The following CNTNAP2 variants were observed in gnomAD, a reference collection of about 807,000 sequenced individuals.
The protein encoded by CNTNAP2 is contactin associated protein 2.
A neutral mutation model predicts 155.2 loss-of-function variants in CNTNAP2; 98 were observed. That is an observed-to-expected ratio of 0.63 (90% CI 0.54 to 0.75). The LOEUF (loss-of-function observed/expected upper bound fraction) is 0.75, where lower values mean the gene tolerates loss of function less well. Among genes scored for constraint, CNTNAP2 ranks in the 30% least tolerant of loss-of-function variants. CNTNAP2 has a pLI of 0.00. For synonymous variants in CNTNAP2, 651 were observed against 631.2 expected (o/e 1.03, Z -0.47); for missense variants, 1,727 against 1,688.1 (o/e 1.02, Z -0.40).
intron 9 of CNTNAP2, among the ~76,000 whole-genome samples, chr7:147,327,239 C>T (rs1795477567): frequency 5.9e-5 from 9 of 152,182 alleles, no homozygotes; most frequent in South Asian, 4.1e-4. Flanking sequence ...CACTAATCCT[C>T]ATGATAGCCC....
chr7:147,752,727 G>A (rs1486350918), intron 13 of CNTNAP2, among the ~76,000 whole-genome samples: 1 of 152,136 alleles, frequency 6.6e-6, no homozygotes, highest in East Asian at 1.9e-4. Flanking sequence ...ATAGCGTCAT[G>A]AGCCATGCCT....
intron 1 of CNTNAP2, among the ~76,000 whole-genome samples, chr7:146,468,984 G>T (rs951893065): frequency 1.3e-5 from 2 of 152,170 alleles, no homozygotes; most frequent in Middle Eastern, 3.2e-3. Flanking sequence ...TAGAACACTT[G>T]TTTTCTCTGA....
chr7:146,335,727 G>A (rs1801263391), intron 1 of CNTNAP2, among the ~76,000 whole-genome samples: 1 of 152,038 alleles, frequency 6.6e-6, no homozygotes, highest in Non-Finnish European at 1.5e-5. Context: ...GTTCCTACAA[G>A]TGTTCATATA....
rs1482575293 is a variant in CNTNAP2, at chr7:146,263,296, A to G, written c.97+146323A>G. 2.7e-5 allele frequency among the ~76,000 whole-genome samples: 4 copies of G among 149,800 alleles called. No individual in the cohort carries two copies. In the East Asian group the frequency reaches 7.8e-4, roughly 29 times the overall value. On this transcript the variant is annotated intron_variant, in intron 1 of 23. Coordinates refer to ENST00000361727, the MANE Select transcript of CNTNAP2 (RefSeq NM_014141.6). Reference sequence around the variant, plus strand: ...GAGGGAGGAAGGAAGGAAGGAAGGAAGGACGGAAGGAAGGAAATAAAAAGC... The same window carrying G: ...GAGGGAGGAAGGAAGGAAGGAAGGAGGGACGGAAGGAAGGAAATAAAAAGC...
chr7:146,594,853 G>T (rs528402371), intron 1 of CNTNAP2, among the ~76,000 whole-genome samples: 1 of 152,156 alleles, frequency 6.6e-6, no homozygotes, highest in South Asian at 2.1e-4. Context: ...TGTAGTGTTT[G>T]CTGATTTTTA....
At chr7:146,969,571 T>C (rs1250152186) in intron 3 of CNTNAP2, among the ~76,000 whole-genome samples, 1 of 152,224 alleles carries the variant, frequency 6.6e-6, no homozygotes, top group Admixed American at 6.5e-5. Context: ...TGTAATGGCC[T>C]TCTTTGTCTC....
intron 3 of CNTNAP2, among the ~76,000 whole-genome samples, chr7:146,895,881 A>G (rs1795868079): frequency 6.6e-6 from 1 of 152,096 alleles, no homozygotes; most frequent in Non-Finnish European, 1.5e-5. Context: ...GAGTGGTTGC[A>G]ACTATTCATA....
chr7:147,920,250 G>A (rs1800248373), intron 14 of CNTNAP2, among the ~76,000 whole-genome samples: 1 of 150,324 alleles, frequency 6.7e-6, no homozygotes, highest in Non-Finnish European at 1.5e-5. Flanking sequence ...CAGCCACTCA[G>A]GAGACTGAGG....
rs140755251 is a variant in CNTNAP2 at position 148,342,093 on chromosome 7, G to A, written c.3476-41556G>A. Among the ~76,000 whole-genome samples, 709 of 152,292 alleles carry A rather than the reference G, an allele frequency of 4.7e-3. 2 individuals carry two copies. Among genetic ancestry groups the A allele is most frequent in the African/African-American group, 0.016 (672 of 41,536 alleles). ...ATCAACCAAGCCCAGAGCTATTTAC[G>A]TGTTGAGAAGGGTCTCCCATGGAGA... is the stretch of plus-strand genomic sequence containing the variant. On this transcript the variant is annotated intron_variant, in intron 21 of 23. Coordinates refer to ENST00000361727, the MANE Select transcript of CNTNAP2 (RefSeq NM_014141.6).
chr7:148,365,751 C>T (rs201116402), intron 21 of CNTNAP2, among the ~76,000 whole-genome samples: 2,711 of 33,600 alleles, frequency 0.081, 983 homozygotes, highest in African/African-American at 0.15. Flanking sequence ...TACATGTATA[C>T]ATGTATGTGT....
chr7:146,871,749 TATG>T (rs1284403539), intron 3 of CNTNAP2, among the ~76,000 whole-genome samples: 1 of 152,086 alleles, frequency 6.6e-6, no homozygotes, highest in Non-Finnish European at 1.5e-5. Context: ...TTATAAATCA[TATG>T]ATTTATTATT....
chr7:147,002,217 A>G (rs1475995902), intron 3 of CNTNAP2, among the ~76,000 whole-genome samples: 54 of 152,086 alleles, frequency 3.6e-4, no homozygotes, highest in Non-Finnish European at 7.4e-5. Flanking sequence ...GAGAATGTCC[A>G]GCCAAATGGA....
At chr7:146,151,656 A>ATATATATATATATATG (rs1798044798) in intron 1 of CNTNAP2, among the ~76,000 whole-genome samples, 1 of 49,558 alleles carries the variant, frequency 2.0e-5, no homozygotes, top group East Asian at 8.1e-4. Flanking sequence ...ATATATATAT[A>ATATATATATATATATG]TATATATATA....
At chr7:147,095,569 G>A (rs989531172) in intron 4 of CNTNAP2, among the ~76,000 whole-genome samples, 2 of 151,664 alleles carry the variant, frequency 1.3e-5, no homozygotes, top group Non-Finnish European at 2.9e-5. Context: ...TCAAATCTCA[G>A]TGAATAAGTT....
At chr7:147,891,800 G>T (rs951691070) in intron 13 of CNTNAP2, among the ~76,000 whole-genome samples, 9 of 151,764 alleles carry the variant, frequency 5.9e-5, no homozygotes, top group African/African-American at 1.9e-4. Context: ...TTCCAACATA[G>T]CCCCCCCTAC....
chr7:146,238,662 G>A (rs1368292977), intron 1 of CNTNAP2, among the ~76,000 whole-genome samples: 1 of 152,188 alleles, frequency 6.6e-6, no homozygotes, highest in Non-Finnish European at 1.5e-5. Flanking sequence ...GTATTATGCT[G>A]TAGTAGTCCA....
intron 15 of CNTNAP2, 152 bp downstream of exon 15, chr7:147,978,141 G>A: frequency 9.1e-7 from 1 of 1,103,542 alleles, no homozygotes; most frequent in Admixed American, 2.0e-5. Context: ...TAGAGGAGGG[G>A]AACAGCCATA....
chr7:147,733,955 C>T (rs1473040035), intron 13 of CNTNAP2, among the ~76,000 whole-genome samples: 3 of 152,192 alleles, frequency 2.0e-5, no homozygotes, highest in African/African-American at 4.8e-5. Flanking sequence ...ATCATTTCAT[C>T]TGCAAACAAG....
chr7:146,136,081 C>T (rs911214016), intron 1 of CNTNAP2, among the ~76,000 whole-genome samples: 1 of 152,102 alleles, frequency 6.6e-6, no homozygotes, highest in Non-Finnish European at 1.5e-5. Flanking sequence ...TAAAATTATT[C>T]ATTGTTTATT....
Sources: gnomAD v4.1 joint callset for allele counts (sites outside exome capture counted in the v4.1 genomes callset) on GRCh38, gnomAD v4.1.1 for gene constraint, MANE v1.5 for transcripts, NCBI Gene and HGNC (gene_info 2026-07-23, HGNC 2026-07-21) for gene names.